ARSB: variants seen among roughly 807,000 people sequenced by gnomAD.
The protein encoded by ARSB is arylsulfatase B.
In ARSB, 41 loss-of-function variants were observed where a neutral mutation model predicts 50.9. The ratio of observed to expected loss-of-function variants is 0.81; its 90% confidence interval spans 0.63 to 1.04. The LOEUF is 1.04. Ranked by LOEUF, ARSB falls within the 50% of genes least tolerant of loss-of-function variation. ARSB has a pLI of 0.00. For missense variants in ARSB, 672 were observed against 693.3 expected (o/e 0.97, Z 0.35); for synonymous variants, 269 against 284.8 (o/e 0.94, Z 0.56).
intron 5 of ARSB, among the ~76,000 whole-genome samples, chr5:78,868,479 C>T (rs1289126243): frequency 8.2e-6 from 1 of 122,482 alleles, no homozygotes; most frequent in East Asian, 2.0e-4. Flanking sequence ...AGAAACCCTA[C>T]AAGCCAGAGG....
chr5:78,808,090 CTCA>C (rs1450799504), intron 6 of ARSB, among the ~76,000 whole-genome samples: 866 of 53,294 alleles, frequency 0.016, 34 homozygotes, highest in African/African-American at 0.071. Flanking sequence ...GAGACTCCGT[CTCA>C]AAAAAAAAAA....
chr5:78,929,598 C>T lies in ARSB; in HGVS notation c.898+25697G>A, dbSNP rs187901659. ...CTGAGGACAGGAGTTAGAAAACAGCCTGGCCCACATAGCAAAACCCCGTTT... is the reference window on the plus strand; with the variant it reads ...CTGAGGACAGGAGTTAGAAAACAGCTTGGCCCACATAGCAAAACCCCGTTT... On this transcript the variant is annotated intron_variant, in intron 4 of 7. Transcript: ENST00000264914. Among the ~76,000 whole-genome samples the T allele has an allele frequency of 1.9e-4, 29 of 152,118 alleles. No homozygotes were observed. In the East Asian group the frequency reaches 5.4e-3, roughly 28 times the overall value.
chr5:78,909,034 C>T (rs990943021), intron 4 of ARSB, among the ~76,000 whole-genome samples: 3 of 152,166 alleles, frequency 2.0e-5, no homozygotes, highest in Non-Finnish European at 2.9e-5. Flanking sequence ...AAAGATCCAA[C>T]CAATTAGGTA....
At chr5:78,852,399 G>T (rs1440088612) in intron 5 of ARSB, among the ~76,000 whole-genome samples, 1 of 152,166 alleles carries the variant, frequency 6.6e-6, no homozygotes, top group African/African-American at 2.4e-5. Context: ...CTCTCCTCTG[G>T]CTTGTAGAGT....
chr5:78,796,227 A>G (rs1348236588), intron 6 of ARSB, among the ~76,000 whole-genome samples: 1 of 152,256 alleles, frequency 6.6e-6, no homozygotes, highest in Non-Finnish European at 1.5e-5. Context: ...TTTACTTACT[A>G]AACAAATACC....
Position 78,885,297 on chromosome 5 carries a change from C to T in ARSB, c.1142+287G>A, listed in dbSNP as rs16876023. ...ACCCCCTGCAGGAAGCTAACAATAC[C>T]CTAGCCTACTTCTAAGCAAAACGTC... On this transcript the variant is annotated intron_variant, in intron 5 of 7. Coordinates refer to ENST00000264914, the MANE Select transcript of ARSB (RefSeq NM_000046.5). 374 of 453,692 alleles carry T rather than the reference C, an allele frequency of 8.2e-4. 1 individual carries two copies. The highest frequency in any genetic ancestry group is 7.1e-3 in the African/African-American group (354 of 50,142). 28.1% of individuals were successfully genotyped at this position (453,692 alleles called of 1,614,324 possible). A position where few individuals can be genotyped will look rare whatever the true frequency, so the allele number is the denominator to read the frequency against.
At chr5:78,838,362 T>A (rs1745039905) in intron 6 of ARSB, among the ~76,000 whole-genome samples, 1 of 152,148 alleles carries the variant, frequency 6.6e-6, no homozygotes, top group South Asian at 2.1e-4. Flanking sequence ...AGATGACAAG[T>A]GTCTAGGAAG....
chr5:78,929,378 C>A (rs1307203880), intron 4 of ARSB, among the ~76,000 whole-genome samples: 3 of 152,058 alleles, frequency 2.0e-5, no homozygotes, highest in Admixed American at 2.0e-4. Flanking sequence ...GCCTCAGACA[C>A]GGGAAAGGAA....
intron 6 of ARSB, among the ~76,000 whole-genome samples, chr5:78,812,267 G>T (rs1450267768): frequency 6.6e-6 from 1 of 152,182 alleles, no homozygotes; most frequent in East Asian, 1.9e-4. Context: ...ACACAGGCAA[G>T]AGCATGGGCA....
At chr5:78,931,965 G>T (rs533018088) in intron 4 of ARSB, among the ~76,000 whole-genome samples, 1 of 151,890 alleles carries the variant, frequency 6.6e-6, no homozygotes, top group African/African-American at 2.4e-5. Context: ...TTTCCCTTCC[G>T]CCGTGATTGT....
chr5:78,973,755 C>T (rs772740874), intron 1 of ARSB, among the ~76,000 whole-genome samples: 4 of 152,186 alleles, frequency 2.6e-5, no homozygotes, highest in Non-Finnish European at 4.4e-5. Context: ...CACTGCTGCA[C>T]AGAAGGCGAT....
At chr5:78,900,413 A>G (rs921696336) in intron 4 of ARSB, among the ~76,000 whole-genome samples, 1 of 152,184 alleles carries the variant, frequency 6.6e-6, no homozygotes, top group Non-Finnish European at 1.5e-5. Context: ...CAAGAAGGTG[A>G]GGAAGCTGGT....
chr5:78,980,650 G>T lies in ARSB; in HGVS notation c.312+4287C>A, dbSNP rs568337657. On this transcript the variant is annotated intron_variant, in intron 1 of 7. Coordinates refer to ENST00000264914, the MANE Select transcript of ARSB (RefSeq NM_000046.5). Reference sequence around the variant, plus strand: ...TATGTTACCATTCATACAGAAAAAAGAGAGAAATGATATATAAAAATATAT... The same window carrying T: ...TATGTTACCATTCATACAGAAAAAATAGAGAAATGATATATAAAAATATAT... 4.3e-3 allele frequency among the ~76,000 whole-genome samples: 656 copies of T among 152,068 alleles called. 2 individuals are homozygous for T. Among genetic ancestry groups the T allele is most frequent in the Non-Finnish European group, 7.0e-3 (475 of 68,002 alleles).
intron 5 of ARSB, among the ~76,000 whole-genome samples, chr5:78,850,410 C>G (rs1434681085): frequency 2.0e-5 from 3 of 151,934 alleles, no homozygotes; most frequent in African/African-American, 7.3e-5. Context: ...GGATGAAGCC[C>G]ACTTGATCAT....
At chr5:78,906,184 T>C (rs1749059331) in intron 4 of ARSB, among the ~76,000 whole-genome samples, 1 of 150,902 alleles carries the variant, frequency 6.6e-6, no homozygotes, top group Admixed American at 6.6e-5. Context: ...AAAAAAAAAA[T>C]TAGCCAAGTG....
chr5:78,858,838 C>T (rs974740423), intron 5 of ARSB, among the ~76,000 whole-genome samples: 2 of 152,206 alleles, frequency 1.3e-5, no homozygotes, highest in Non-Finnish European at 2.9e-5. Flanking sequence ...TTACAATGTT[C>T]CAGGCATGGT....
chr5:78,954,118 G>A (rs413209), intron 4 of ARSB, among the ~76,000 whole-genome samples: 70,572 of 151,522 alleles, frequency 0.47, 16,367 homozygotes, highest in African/African-American at 0.53. Flanking sequence ...AAAAAAACTA[G>A]GAAAAATTAG....
rs1418413591 is a variant in ARSB, at chr5:78,814,561, TC to T, written c.1213+24794del. Reference sequence around the variant, plus strand: ...CTTTTTTTTGAAGTCTTCAGGGAATTCCATGTAGGAACATTCTTCCTCTTCC... The same window carrying T: ...CTTTTTTTTGAAGTCTTCAGGGAATTCATGTAGGAACATTCTTCCTCTTCC... On this transcript the variant is annotated intron_variant, in intron 6 of 7. Transcript: ENST00000264914. Among the ~76,000 whole-genome samples the T allele has an allele frequency of 1.3e-5, 2 of 150,798 alleles. 1 individual carries two copies. Among genetic ancestry groups the T allele is most frequent in the Non-Finnish European group, 3.0e-5 (2 of 67,724 alleles).
In ARSB at chr5:78,815,851, A is replaced by G. The variant is rs34152768; in HGVS notation, c.1213+23505T>C. 225,609 of 1,362,192 alleles carry G rather than the reference A, an allele frequency of 0.17. 25,659 individuals are homozygous for G. The highest frequency in any genetic ancestry group is 0.28 in the Admixed American group (9,335 of 33,264). The allele number at this position is 1,362,192 out of a possible 1,614,324, so 84.4% of individuals were successfully genotyped here. On this transcript the variant is annotated intron_variant, in intron 6 of 7. Transcript: ENST00000264914. ...TCATCTTCAAAGATATTTTGAAATA[A>G]TATAAGAAATGACCCATCTGTGGTA...
Sources: allele counts gnomAD v4.1 joint callset (sites outside exome capture counted in the v4.1 genomes callset), GRCh38; gene constraint gnomAD v4.1.1; transcripts MANE v1.5; gene names NCBI Gene and HGNC (gene_info 2026-07-23, HGNC 2026-07-21).